The following CDK6 variants were observed in gnomAD, a reference collection of about 807,000 sequenced individuals.
The protein encoded by CDK6 is cyclin-dependent kinase 6.
In CDK6, 6 loss-of-function variants were observed where a neutral mutation model predicts 37.1. The ratio of observed to expected loss-of-function variants is 0.16; its 90% CI spans 0.09 to 0.32. The LOEUF (loss-of-function observed/expected upper bound fraction) is 0.32, where lower values mean the gene tolerates loss of function less well. Among genes scored for constraint, CDK6 ranks in the 10% least tolerant of loss-of-function variants. CDK6 has a pLI of 1.00. For synonymous variants in CDK6, 160 were observed against 161.3 expected, an observed-to-expected ratio of 0.99 and a Z score of 0.06; for missense variants, 224 against 418.9, an observed-to-expected ratio of 0.53 and a Z score of 4.06.
At chr7:92,717,486 G>C (rs1009591784) in intron 4 of CDK6, among the ~76,000 whole-genome samples, 2 of 149,794 alleles carry the variant, frequency 1.3e-5, no homozygotes, top group Non-Finnish European at 3.0e-5. Flanking sequence ...AAGAAAGAAA[G>C]AAAAGAAAGA....
At chr7:92,725,954 C>A (rs1208987423) in intron 3 of CDK6, among the ~76,000 whole-genome samples, 161 bp from the exon 4 acceptor site, 1 of 152,112 alleles carries the variant, frequency 6.6e-6, no homozygotes, top group Non-Finnish European at 1.5e-5. Flanking sequence ...TCCTGCCTTT[C>A]CACTCCCACA....
intron 3 of CDK6, among the ~76,000 whole-genome samples, chr7:92,757,920 T>C (rs1799355909): frequency 6.6e-6 from 1 of 152,254 alleles, no homozygotes; most frequent in South Asian, 2.1e-4. Flanking sequence ...ATTAAGCTTT[T>C]TTTAAATATG....
At chr7:92,809,026 T>C (rs1240673383) in intron 2 of CDK6, among the ~76,000 whole-genome samples, 2 of 152,196 alleles carry the variant, frequency 1.3e-5, no homozygotes, top group East Asian at 1.9e-4. Flanking sequence ...TAACAATAAA[T>C]ATTTGTATTT....
chr7:92,759,562 A>T (rs1799401297), intron 3 of CDK6, among the ~76,000 whole-genome samples: 1 of 152,030 alleles, frequency 6.6e-6, no homozygotes, highest in Non-Finnish European at 1.5e-5. Flanking sequence ...CAGGGGCATT[A>T]CCAAAACTAT....
chr7:92,834,642 T>C lies in CDK6; in HGVS notation c.-367-952A>G, dbSNP rs1264772016. Among the ~76,000 whole-genome samples, 1 of 134,032 alleles carries C rather than the reference T, an allele frequency of 7.5e-6. No homozygotes were observed. Among genetic ancestry groups the C allele is most frequent in the African/African-American group, 2.8e-5 (1 of 35,842 alleles). 87.9% of individuals were successfully genotyped at this position (134,032 alleles called of 152,430 possible). On this transcript the variant is annotated intron_variant, in intron 1 of 7. Coordinates refer to ENST00000424848, the MANE Select transcript of CDK6 (RefSeq NM_001145306.2). The surrounding 1 kb of genome is among the most constrained non-coding windows in gnomAD (Gnocchi z 4.6). ...CCTCGTCCTTAAGTTTTAAACTGATTTCGACCTGAGCAAAACTCAACCTCC... is the reference window on the plus strand; with the variant it reads ...CCTCGTCCTTAAGTTTTAAACTGATCTCGACCTGAGCAAAACTCAACCTCC...
chr7:92,623,342 C>T (rs1305772658), intron 5 of CDK6, among the ~76,000 whole-genome samples: 1 of 152,096 alleles, frequency 6.6e-6, no homozygotes. Flanking sequence ...TGCAGTCATT[C>T]TTACAACAGT....
At chr7:92,782,581 C>T (rs982861904) in intron 2 of CDK6, among the ~76,000 whole-genome samples, 14 of 152,176 alleles carry the variant, frequency 9.2e-5, no homozygotes, top group Non-Finnish European at 1.6e-4. Context: ...AAAGTCTCAG[C>T]CTGCAGCTAC....
chr7:92,612,226 C>T lies in CDK6; in HGVS notation c.*2914G>A. Reference sequence around the variant, plus strand: ...CAGGGACATTCTTGTACTGGTCCTACTATGAAATTCAAACATGATTTCAAA... The same window carrying T: ...CAGGGACATTCTTGTACTGGTCCTATTATGAAATTCAAACATGATTTCAAA... On this transcript the variant is annotated 3_prime_UTR_variant, in exon 8 of 8. Coordinates refer to ENST00000424848, the MANE Select transcript of CDK6 (RefSeq NM_001145306.2). 1 of 233,168 alleles carries T rather than the reference C, an allele frequency of 4.3e-6. No individual in the cohort carries two copies. The allele number at this position is 233,168 out of a possible 1,614,324, so 14.4% of individuals were successfully genotyped here. A position where few individuals can be genotyped will look rare whatever the true frequency, so the allele number is the denominator to read the frequency against.
intron 6 of CDK6, among the ~76,000 whole-genome samples, chr7:92,619,734 C>T (rs1168183408): frequency 6.6e-6 from 1 of 151,822 alleles, no homozygotes; most frequent in East Asian, 1.9e-4. Flanking sequence ...GGGGAAGACA[C>T]TGTAATTCGG....
chr7:92,827,118 C>A (rs1801344114), intron 2 of CDK6, among the ~76,000 whole-genome samples: 1 of 152,100 alleles, frequency 6.6e-6, no homozygotes, highest in South Asian at 2.1e-4. Flanking sequence ...TAAAACTGTT[C>A]ACTAACAGTG....
intron 2 of CDK6, among the ~76,000 whole-genome samples, chr7:92,782,910 G>T (rs1562964106): frequency 6.6e-6 from 1 of 152,208 alleles, no homozygotes; most frequent in Non-Finnish European, 1.5e-5. Context: ...AATGAGTGAA[G>T]CTCAAGCACA....
chr7:92,753,199 T>C (rs562170735), intron 3 of CDK6, among the ~76,000 whole-genome samples: 4 of 152,160 alleles, frequency 2.6e-5, no homozygotes, highest in East Asian at 1.9e-4. Flanking sequence ...TAATCTCAAA[T>C]AGAATTCAAT....
chr7:92,821,448 T>A (rs1038637114), intron 2 of CDK6, among the ~76,000 whole-genome samples: 1 of 152,106 alleles, frequency 6.6e-6, no homozygotes, highest in Non-Finnish European at 1.5e-5. Context: ...AGCCCCTACA[T>A]GTTGGAGTAA....
At position 92,610,019 on chromosome 7, in the gene CDK6, AAAGT is replaced by A. The variant is rs1200858610; in HGVS notation, c.*5117_*5120del. ...AAGAGTTAAATATGCGCAGAAAAATAAAGTTAGAATGAAATCTCTTTTAGAAGTA... is the reference window on the plus strand; with the variant it reads ...AAGAGTTAAATATGCGCAGAAAAATATAGAATGAAATCTCTTTTAGAAGTA... On this transcript the variant is annotated 3_prime_UTR_variant, in exon 8 of 8. Coordinates refer to ENST00000424848, the MANE Select transcript of CDK6 (RefSeq NM_001145306.2). 1.3e-5 allele frequency: 3 copies of A among 228,576 alleles called. No homozygotes were observed. The highest frequency in any genetic ancestry group is 2.6e-5 in the Non-Finnish European group (3 of 115,146). 14.2% of individuals were successfully genotyped at this position (228,576 alleles called of 1,614,324 possible).
rs946784923 is a variant in CDK6 at position 92,606,593 on chromosome 7, A to G, written c.*8547T>C. On this transcript the variant is annotated 3_prime_UTR_variant, in exon 8 of 8. Transcript: ENST00000424848. ...ACACAATTTCTACATTTCTAGAACCATGATTTCAAACACAGAAACTAACAA... is the reference window on the plus strand; with the variant it reads ...ACACAATTTCTACATTTCTAGAACCGTGATTTCAAACACAGAAACTAACAA... The G allele has an allele frequency of 4.3e-6, 1 of 233,128 alleles. No individual in the cohort carries two copies. Among genetic ancestry groups the G allele is most frequent in the African/African-American group, 2.2e-5 (1 of 45,354 alleles). 14.4% of individuals were successfully genotyped at this position (233,128 alleles called of 1,614,324 possible).
chr7:92,633,656 C>T (rs1323698511), intron 5 of CDK6, among the ~76,000 whole-genome samples: 2 of 146,174 alleles, frequency 1.4e-5, no homozygotes, highest in Non-Finnish European at 3.0e-5. Context: ...TGTGGGCCAG[C>T]GAGGGTTTCA....
At chr7:92,638,035 G>T (rs921634643) in intron 5 of CDK6, among the ~76,000 whole-genome samples, 1 of 152,114 alleles carries the variant, frequency 6.6e-6, no homozygotes, top group Non-Finnish European at 1.5e-5. Flanking sequence ...AATAGACATT[G>T]TATGCATTGC....
chr7:92,651,353 C>A, intron 5 of CDK6, among the ~76,000 whole-genome samples: 1 of 152,090 alleles, frequency 6.6e-6, no homozygotes, highest in East Asian at 1.9e-4. Context: ...TATTAGGGGA[C>A]CATTCTGGGT....
chr7:92,749,399 G>A (rs945988976), intron 3 of CDK6, among the ~76,000 whole-genome samples: 4 of 152,084 alleles, frequency 2.6e-5, no homozygotes, highest in Non-Finnish European at 5.9e-5. Flanking sequence ...AGGAGTTCAA[G>A]GCTGCAGTGA....
Sources: gnomAD v4.1 joint callset for allele counts (sites outside exome capture counted in the v4.1 genomes callset) on GRCh38, gnomAD v4.1.1 for gene constraint, Gnocchi (gnomAD v3.1) non-coding constraint, MANE v1.5 for transcripts, NCBI Gene and HGNC (gene_info 2026-07-23, HGNC 2026-07-21) for gene names.